Variants in SBF2 observed in about 807,000 individuals in gnomAD.
SBF2 encodes the protein myotubularin-related protein 13.
In SBF2, 112 loss-of-function variants were observed where a neutral mutation model predicts 225.2. The ratio of observed to expected loss-of-function variants is 0.50; its 90% CI spans 0.43 to 0.58. SBF2 has a LOEUF of 0.58. Ranked by LOEUF, SBF2 falls within the 20% of genes least tolerant of loss-of-function variation. The pLI is 0.00. For synonymous variants in SBF2, 763 were observed against 773.3 expected (o/e 0.99, Z 0.22); for missense variants, 1,996 against 2,206.2 (o/e 0.90, Z 1.91).
intron 2 of SBF2, among the ~76,000 whole-genome samples, chr11:10,141,432 T>C (rs1162437160): frequency 6.6e-6 from 1 of 152,190 alleles, no homozygotes; most frequent in Non-Finnish European, 1.5e-5. Flanking sequence ...TCCCCCTCTC[T>C]CTGGAAGAGA....
At chr11:9,903,821 C>T (rs1861917877) in intron 16 of SBF2, among the ~76,000 whole-genome samples, 1 of 152,176 alleles carries the variant, frequency 6.6e-6, no homozygotes, top group Non-Finnish European at 1.5e-5. Context: ...CCATCTGTGG[C>T]TTTCTTCCCT....
At chr11:10,007,988 A>T (rs1948270859) in intron 6 of SBF2, among the ~76,000 whole-genome samples, 1 of 152,242 alleles carries the variant, frequency 6.6e-6, no homozygotes, top group African/African-American at 2.4e-5. Flanking sequence ...CAGTCATACT[A>T]GGGCAAATTC....
chr11:10,196,370 AG>A (rs1417841931), intron 1 of SBF2, among the ~76,000 whole-genome samples: 1 of 152,146 alleles, frequency 6.6e-6, no homozygotes, highest in Non-Finnish European at 1.5e-5. Flanking sequence ...TTTACGTTCA[AG>A]AAATATTTAT....
chr11:10,196,862 A>ATC (rs1208099879), intron 1 of SBF2, among the ~76,000 whole-genome samples: 5 of 22,020 alleles, frequency 2.3e-4, no homozygotes, highest in Non-Finnish European at 7.5e-4. Context: ...ATATATATAT[A>ATC]TATATTTTTT....
At chr11:9,971,409 T>G (rs940216462) in intron 13 of SBF2, among the ~76,000 whole-genome samples, 1 of 151,902 alleles carries the variant, frequency 6.6e-6, no homozygotes, top group Non-Finnish European at 1.5e-5. Flanking sequence ...AGGCACAGTG[T>G]CTTATGCTTA....
chr11:9,915,437 G>T (rs1200434663), intron 16 of SBF2, among the ~76,000 whole-genome samples: 1 of 107,324 alleles, frequency 9.3e-6, no homozygotes, highest in Non-Finnish European at 1.9e-5. Flanking sequence ...CAGAGCAAGA[G>T]TCCGTCTCAA....
At chr11:10,000,115 T>C (rs1947894566) in intron 8 of SBF2, among the ~76,000 whole-genome samples, 1 of 152,220 alleles carries the variant, frequency 6.6e-6, no homozygotes, top group South Asian at 2.1e-4. Context: ...GTTCTAATTG[T>C]TGGAAACACT....
chr11:9,874,439 T>A (rs184524318), intron 17 of SBF2, among the ~76,000 whole-genome samples: 312 of 152,288 alleles, frequency 2.0e-3, no homozygotes, highest in Middle Eastern at 6.9e-3. Context: ...TAAAAGCATT[T>A]CCTATAAACA....
rs536695496 is a variant in SBF2, at chr11:9,888,544, TA to T, written c.1929+7398del. ...GAAATATATGAATATTTGAAACTTA[TA>T]AATAATACTATGTAACGATTAAAGG... On this transcript the variant is annotated intron_variant, in intron 17 of 39. Transcript: ENST00000256190. Among the ~76,000 whole-genome samples, 191 of 151,928 alleles carry T rather than the reference TA, an allele frequency of 1.3e-3. 1 individual carries two copies. Among genetic ancestry groups the T allele is most frequent in the African/African-American group, 4.4e-3 (182 of 41,454 alleles).
At chr11:10,101,044 G>A (rs1232145196) in intron 2 of SBF2, among the ~76,000 whole-genome samples, 1 of 152,164 alleles carries the variant, frequency 6.6e-6, no homozygotes, top group African/African-American at 2.4e-5. Flanking sequence ...TGCCTATCGT[G>A]TCTTTGTGTG....
chr11:10,293,259 T>C (rs1166533491), intron 1 of SBF2, among the ~76,000 whole-genome samples: 3 of 152,232 alleles, frequency 2.0e-5, no homozygotes, highest in Non-Finnish European at 4.4e-5. Flanking sequence ...AATTAAAGTG[T>C]AAAATACAAT....
chr11:10,065,884 T>G (rs769346218), intron 2 of SBF2, among the ~76,000 whole-genome samples: 2 of 152,044 alleles, frequency 1.3e-5, no homozygotes, highest in African/African-American at 4.8e-5. Context: ...GGGGTGGAAG[T>G]TGCAGTGAGC....
Position 9,845,862 on chromosome 11 carries a change from C to T in SBF2, c.2935-122G>A, listed in dbSNP as rs530903321. On this transcript the variant is annotated intron_variant, in intron 23 of 39. Transcript: ENST00000256190. ...TGGAGGTCAAAGGGACTTTGGATAA[C>T]ATGCAATACAATTTTTAAATTTTTA... 8.4e-6 allele frequency: 7 copies of T among 833,788 alleles called. No individual in the cohort carries two copies. In the African/African-American group the frequency reaches 1.2e-4, roughly 14 times the overall value. The allele number at this position is 833,788 out of a possible 1,614,324, so 51.6% of individuals were successfully genotyped here.
chr11:10,155,232 G>A (rs953088482), intron 2 of SBF2, among the ~76,000 whole-genome samples: 4 of 151,978 alleles, frequency 2.6e-5, no homozygotes, highest in Non-Finnish European at 4.4e-5. Context: ...TTATACACTG[G>A]TTGCATTTAG....
At chr11:9,834,442 C>T (rs1453310579) in intron 26 of SBF2, among the ~76,000 whole-genome samples, 1 of 152,210 alleles carries the variant, frequency 6.6e-6, no homozygotes, top group Non-Finnish European at 1.5e-5. Flanking sequence ...CACCACTATC[C>T]ATTTCCAGAA....
At chr11:10,154,544 C>T (rs1050308882) in intron 2 of SBF2, among the ~76,000 whole-genome samples, 3 of 152,188 alleles carry the variant, frequency 2.0e-5, no homozygotes, top group Admixed American at 2.0e-4. Flanking sequence ...AAGTCTTCTT[C>T]CCCCTTAAAC....
chr11:9,952,330 G>C (rs1205769158), intron 16 of SBF2, among the ~76,000 whole-genome samples: 2 of 152,122 alleles, frequency 1.3e-5, no homozygotes, highest in African/African-American at 4.8e-5. Context: ...TGTTTACACC[G>C]AATTAAGAAA....
At position 9,895,373 on chromosome 11, in the gene SBF2, G is replaced by A. The variant is rs148907329; in HGVS notation, c.1929+570C>T. ...ATCTAATTCTTTACAAGTCCTTCACGGGAAAAGAAATTTGCTGGTTTTTTC... is the reference window on the plus strand; with the variant it reads ...ATCTAATTCTTTACAAGTCCTTCACAGGAAAAGAAATTTGCTGGTTTTTTC... On this transcript the variant is annotated intron_variant, in intron 17 of 39. Transcript: ENST00000256190. Among the ~76,000 whole-genome samples the A allele has an allele frequency of 1.7e-3, 254 of 152,206 alleles. 3 individuals carry two copies. Among genetic ancestry groups the A allele is most frequent in the African/African-American group, 5.6e-3 (234 of 41,526 alleles).
intron 1 of SBF2, among the ~76,000 whole-genome samples, chr11:10,259,655 A>G (rs1221650190): frequency 1.3e-5 from 2 of 152,228 alleles, no homozygotes; most frequent in African/African-American, 4.8e-5. Flanking sequence ...TCTTAACAAA[A>G]TAATTCTTCC....
Sources: allele counts gnomAD v4.1 joint callset (sites outside exome capture counted in the v4.1 genomes callset), GRCh38; gene constraint gnomAD v4.1.1; transcripts MANE v1.5; gene names NCBI Gene and HGNC (gene_info 2026-07-23, HGNC 2026-07-21).